ROBO1: variants seen among roughly 807,000 people sequenced by gnomAD.
ROBO1 encodes roundabout guidance receptor 1, also known as roundabout homolog 1.
Under a neutral mutation model 195.9 loss-of-function variants are expected in ROBO1, and 149 were observed. The ratio of observed to expected loss-of-function variants is 0.76; its 90% confidence interval spans 0.67 to 0.87. ROBO1 has a LOEUF of 0.87. Among genes scored for constraint, ROBO1 ranks in the 40% least tolerant of loss-of-function variants. The pLI is 0.00. For missense variants in ROBO1, 1,933 were observed against 2,068.3 expected, an observed-to-expected ratio of 0.93 and a Z score of 1.27; for synonymous variants, 816 against 733.2, an observed-to-expected ratio of 1.11 and a Z score of -1.82.
intron 2 of ROBO1, among the ~76,000 whole-genome samples, chr3:79,447,647 A>G (rs1417657789): frequency 2.0e-5 from 3 of 152,192 alleles, no homozygotes; most frequent in Non-Finnish European, 4.4e-5. Flanking sequence ...TTTGAACCTG[A>G]TGATTATACA....
At chr3:79,606,095 T>A (rs938909231) in intron 1 of ROBO1, among the ~76,000 whole-genome samples, 1 of 151,610 alleles carries the variant, frequency 6.6e-6, no homozygotes, top group Admixed American at 6.6e-5. Flanking sequence ...TACCTTTGTT[T>A]TTATGTCAAT....
At chr3:78,624,173 A>C (rs373901130) in intron 26 of ROBO1, among the ~76,000 whole-genome samples, 1 of 152,166 alleles carries the variant, frequency 6.6e-6, no homozygotes, top group Non-Finnish European at 1.5e-5. Flanking sequence ...TCATAAATCC[A>C]AGCAATATAT....
At chr3:79,225,814 T>C (rs909994866) in intron 2 of ROBO1, among the ~76,000 whole-genome samples, 13 of 152,180 alleles carry the variant, frequency 8.5e-5, no homozygotes, top group Non-Finnish European at 1.8e-4. Flanking sequence ...TGCTACCCTT[T>C]ATCTTAAAAT....
At chr3:79,099,526 G>A (rs2079635748) in intron 3 of ROBO1, among the ~76,000 whole-genome samples, 1 of 151,692 alleles carries the variant, frequency 6.6e-6, no homozygotes, top group Non-Finnish European at 1.5e-5. Context: ...GGACAAAAAG[G>A]ATGGAAGTTT....
At chr3:78,862,332 G>C (rs1448613211) in intron 4 of ROBO1, among the ~76,000 whole-genome samples, 1 of 152,120 alleles carries the variant, frequency 6.6e-6, no homozygotes, top group African/African-American at 2.4e-5. Flanking sequence ...AACTCATTCT[G>C]ATAACCACTA....
At chr3:79,201,852 T>C (rs554672410) in intron 2 of ROBO1, among the ~76,000 whole-genome samples, 61 of 150,462 alleles carry the variant, frequency 4.1e-4, no homozygotes, top group Admixed American at 8.7e-4. Flanking sequence ...ATTCATTGCA[T>C]AGTATTATAT....
chr3:78,922,880 G>C (rs1294376720), intron 4 of ROBO1, among the ~76,000 whole-genome samples: 1 of 152,038 alleles, frequency 6.6e-6, no homozygotes, highest in East Asian at 1.9e-4. Context: ...TTACAGGTGT[G>C]AGCTATCGCA....
intron 2 of ROBO1, among the ~76,000 whole-genome samples, chr3:79,367,454 G>A (rs2036021423): frequency 6.6e-6 from 1 of 152,168 alleles, no homozygotes; most frequent in African/African-American, 2.4e-5. Context: ...CTGCTCAAGG[G>A]TCCAAAAGAT....
At chr3:79,649,069 A>G (rs1253584133) in intron 1 of ROBO1, among the ~76,000 whole-genome samples, 1 of 152,098 alleles carries the variant, frequency 6.6e-6, no homozygotes, top group Non-Finnish European at 1.5e-5. Flanking sequence ...GAAATTTTAA[A>G]ATCCTCAATG....
intron 2 of ROBO1, among the ~76,000 whole-genome samples, chr3:79,449,128 A>G (rs1231393329): frequency 2.0e-5 from 3 of 152,088 alleles, no homozygotes; most frequent in Non-Finnish European, 4.4e-5. Context: ...ATACTCAGGA[A>G]GATGAAGTGG....
At chr3:79,129,547 G>A (rs6548614) in intron 2 of ROBO1, among the ~76,000 whole-genome samples, 114,380 of 152,020 alleles carry the variant, frequency 0.75, 43,117 homozygotes, top group Middle Eastern at 0.8. Flanking sequence ...TTCCTTTACA[G>A]TATAAATTAT....
chr3:79,108,910 C>T (rs1296039930), intron 3 of ROBO1, among the ~76,000 whole-genome samples: 2 of 151,796 alleles, frequency 1.3e-5, no homozygotes, highest in Non-Finnish European at 2.9e-5. Flanking sequence ...TATTTAGTCA[C>T]AAAAACTATA....
intron 18 of ROBO1, among the ~76,000 whole-genome samples, chr3:78,654,022 A>ATAGAAAGATTTT (rs1706842976): frequency 6.6e-6 from 1 of 152,240 alleles, no homozygotes; most frequent in South Asian, 2.1e-4. Context: ...CTGCTTTAAG[A>ATAGAAAGATTTT]TAGAAAGATT....
intron 2 of ROBO1, among the ~76,000 whole-genome samples, chr3:79,503,735 A>G (rs1363392376): frequency 6.6e-6 from 1 of 152,242 alleles, no homozygotes; most frequent in Non-Finnish European, 1.5e-5. Flanking sequence ...AGTCTACTAT[A>G]TAAAATGATG....
chr3:79,391,930 T>C (rs2036967121), intron 2 of ROBO1, among the ~76,000 whole-genome samples: 1 of 152,326 alleles, frequency 6.6e-6, no homozygotes, highest in Non-Finnish European at 1.5e-5. Context: ...TCTCCCTCGA[T>C]TTGTATCCAA....
chr3:79,652,830 T>C (rs2106759967), intron 1 of ROBO1, among the ~76,000 whole-genome samples: 1 of 152,160 alleles, frequency 6.6e-6, no homozygotes. Context: ...TCTCTTACTT[T>C]CTGTTTTCTA....
intron 2 of ROBO1, among the ~76,000 whole-genome samples, chr3:79,262,562 A>T (rs561550779): frequency 2.6e-5 from 4 of 152,192 alleles, no homozygotes; most frequent in African/African-American, 9.6e-5. Context: ...GAAATAAAGG[A>T]AGTATAAACT....
rs922434339 is a variant in ROBO1, at chr3:78,858,585, A to G, written c.499+80016T>C. Among the ~76,000 whole-genome samples, 25 of 140,764 alleles carry G rather than the reference A, an allele frequency of 1.8e-4. No homozygotes were observed. The East Asian group carries it at 4.6e-3, about 26-fold the overall frequency. 92.3% of individuals were successfully genotyped at this position (140,764 alleles called of 152,430 possible). A position where few individuals can be genotyped will look rare whatever the true frequency, so the allele number is the denominator to read the frequency against. On this transcript the variant is annotated intron_variant, in intron 4 of 30. Transcript: ENST00000464233. The stretch of plus-strand genomic sequence containing the variant: ...CTACCAAAAAAAAAAAAAAAAAAAA[A>G]GGAGAAGAAGAAAAATTATCTGGGC...
chr3:78,897,367 C>A (rs79938496), intron 4 of ROBO1, among the ~76,000 whole-genome samples: 1 of 152,172 alleles, frequency 6.6e-6, no homozygotes, highest in African/African-American at 2.4e-5. Flanking sequence ...ATAAACACAT[C>A]AAAAGCAATT....
Sources: gnomAD v4.1 joint callset for allele counts (sites outside exome capture counted in the v4.1 genomes callset) on GRCh38, gnomAD v4.1.1 for gene constraint, MANE v1.5 for transcripts, NCBI Gene and HGNC (gene_info 2026-07-23, HGNC 2026-07-21) for gene names.